VRK2: variants seen among roughly 807,000 people sequenced by gnomAD.
VRK2 encodes VRK serine/threonine kinase 2.
In VRK2, 60 loss-of-function variants were observed where a neutral mutation model predicts 57.6. The observed-to-expected ratio is 1.04, with a 90% CI of 0.85 to 1.29. The LOEUF is 1.29. Ranked by LOEUF, VRK2 falls within the 50% of genes most tolerant of loss-of-function variation. The probability of loss-of-function intolerance (pLI) is 0.00; values close to 1 mark genes in which losing one functional copy is unlikely to be tolerated. For missense variants in VRK2, 705 were observed against 588.1 expected, an observed-to-expected ratio of 1.20 and a Z score of -2.06; for synonymous variants, 231 against 199.2, an observed-to-expected ratio of 1.16 and a Z score of -1.35.
At chr2:57,990,190 T>A (rs1440069281) in intron 1 of VRK2, among the ~76,000 whole-genome samples, 11 of 152,198 alleles carry the variant, frequency 7.2e-5, no homozygotes, top group Non-Finnish European at 1.5e-5. Flanking sequence ...TCTCAACATG[T>A]GAGAACAATT....
intron 2 of VRK2, among the ~76,000 whole-genome samples, chr2:58,066,986 C>T (rs919963776): frequency 1.3e-5 from 2 of 152,170 alleles, no homozygotes; most frequent in African/African-American, 4.8e-5. Context: ...CCTGAGTGGG[C>T]AGCATCTAAT....
chr2:58,090,118 G>A (rs966211714), intron 7 of VRK2, among the ~76,000 whole-genome samples: 7 of 152,084 alleles, frequency 4.6e-5, no homozygotes, highest in South Asian at 4.1e-4. Flanking sequence ...CAGAGAGGCC[G>A]GGCGCGGTGG....
chr2:58,073,284 T>C (rs1486790193), intron 2 of VRK2, among the ~76,000 whole-genome samples: 1 of 152,034 alleles, frequency 6.6e-6, no homozygotes, highest in Non-Finnish European at 1.5e-5. Context: ...TATTCTGCTG[T>C]TGTTGGATGA....
intron 3 of VRK2, chr2:58,041,177 T>C: frequency 1.8e-6 from 1 of 561,300 alleles, no homozygotes; most frequent in Non-Finnish European, 2.3e-6. Flanking sequence ...TTTTGGCTAG[T>C]CAATATTTGG....
intron 1 of VRK2, among the ~76,000 whole-genome samples, chr2:57,909,478 T>TG (rs1453765339): frequency 6.6e-5 from 6 of 90,334 alleles, no homozygotes; most frequent in Admixed American, 2.3e-4. Context: ...GTGTGTGTGT[T>TG]TTTTTTTTAG....
intron 11 of VRK2, among the ~76,000 whole-genome samples, chr2:58,143,469 T>G (rs931799042): frequency 1.3e-5 from 2 of 151,966 alleles, no homozygotes; most frequent in Non-Finnish European, 2.9e-5. Flanking sequence ...TTCCATTAAT[T>G]GGCTATCATT....
chr2:58,150,782 A>T (rs889163634), intron 12 of VRK2, among the ~76,000 whole-genome samples: 19 of 151,436 alleles, frequency 1.3e-4, no homozygotes, highest in Non-Finnish European at 1.8e-4. Flanking sequence ...ATAAATATGT[A>T]AGCTGTGCTT....
At chr2:58,086,457 C>G (rs753287207) in intron 5 of VRK2, 31 bp downstream of exon 5, 2 of 1,531,248 alleles carry the variant, frequency 1.3e-6, no homozygotes, top group South Asian at 2.5e-5. Context: ...TCAAATATTT[C>G]TTTATAACTA....
intron 1 of VRK2, among the ~76,000 whole-genome samples, chr2:57,971,889 T>C (rs1156963422): frequency 6.6e-6 from 1 of 151,884 alleles, no homozygotes; most frequent in Non-Finnish European, 1.5e-5. Flanking sequence ...ATTGGTAAGA[T>C]TTTTAAAAAT....
intron 2 of VRK2, among the ~76,000 whole-genome samples, chr2:58,083,542 C>A (rs1389295027): frequency 6.6e-6 from 1 of 151,710 alleles, no homozygotes; most frequent in African/African-American, 2.4e-5. Flanking sequence ...TTAGCAGGTT[C>A]AGAAGAAATT....
chr2:58,089,715 C>A lies in VRK2; in HGVS notation c.535C>A (p.Pro179Thr). ...AAATCTACTTTTGGGTTACAAAAAT[C>A]CAGACCAGGTAAATACATACTTTTG... The part of the protein sequence containing the change: ...AANLLLGYKN[P>T]DQVYLADYGL... The change falls in exon 7 of 13, where the codon CCA becomes ACA. Residue 179 changes from proline to threonine, a missense_variant. By Grantham distance (38) the Pro-to-Thr change is conservative. Transcript: ENST00000340157. 1 of 1,604,832 alleles carries A rather than the reference C, an allele frequency of 6.2e-7. No homozygotes were observed. The highest frequency in any genetic ancestry group is 1.1e-5 in the South Asian group (1 of 90,210).
At chr2:58,105,089 G>C (rs1674546374) in intron 7 of VRK2, among the ~76,000 whole-genome samples, 1 of 151,768 alleles carries the variant, frequency 6.6e-6, no homozygotes, top group Non-Finnish European at 1.5e-5. Flanking sequence ...AAATGTAAGG[G>C]CTGAAACTAT....
chr2:57,934,991 T>C (rs918071993), intron 1 of VRK2, among the ~76,000 whole-genome samples: 1 of 152,214 alleles, frequency 6.6e-6, no homozygotes, highest in Non-Finnish European at 1.5e-5. Context: ...TTTCATTGAA[T>C]TGTCTATCTG....
chr2:57,934,623 G>A (rs185839106), intron 1 of VRK2, among the ~76,000 whole-genome samples: 272 of 152,100 alleles, frequency 1.8e-3, no homozygotes, highest in African/African-American at 6.4e-3. Flanking sequence ...CCCCCGATTT[G>A]GGACATTTTC....
intron 1 of VRK2, among the ~76,000 whole-genome samples, chr2:57,916,126 G>A (rs2103894350): frequency 6.6e-6 from 1 of 152,164 alleles, no homozygotes; most frequent in African/African-American, 2.4e-5. Context: ...ACCCACCAAG[G>A]GCGGGCGCGG....
At chr2:57,962,563 C>G in intron 1 of VRK2, among the ~76,000 whole-genome samples, 1 of 152,096 alleles carries the variant, frequency 6.6e-6, no homozygotes, top group Non-Finnish European at 1.5e-5. Context: ...TCGATCCTCT[C>G]CCTCCTCCCT....
chr2:58,071,913 A>G (rs1156245492), intron 2 of VRK2, among the ~76,000 whole-genome samples: 1 of 151,936 alleles, frequency 6.6e-6, no homozygotes, highest in Non-Finnish European at 1.5e-5. Flanking sequence ...CTATTTATGA[A>G]CATGATGTAT....
intron 1 of VRK2, among the ~76,000 whole-genome samples, chr2:57,930,382 G>A (rs1482300270): frequency 2.0e-5 from 3 of 152,094 alleles, no homozygotes; most frequent in African/African-American, 2.4e-5. Context: ...ATCACTGTGC[G>A]CTCCCTCCCC....
intron 8 of VRK2, 94 bp from the exon 9 acceptor site, chr2:58,131,714 T>A (rs1679214287): frequency 7.1e-7 from 1 of 1,407,148 alleles, no homozygotes; most frequent in African/African-American, 1.5e-5. Context: ...TTTGGCTTTT[T>A]CATATTTCAT....
Sources: allele counts gnomAD v4.1 joint callset (sites outside exome capture counted in the v4.1 genomes callset), GRCh38; gene constraint gnomAD v4.1.1; transcripts MANE v1.5; gene names NCBI Gene and HGNC (gene_info 2026-07-23, HGNC 2026-07-21).